The following NELL1 variants were observed in gnomAD, a reference collection of about 807,000 sequenced individuals.
NELL1 encodes the protein neural EGFL like 1, also known as protein kinase C-binding protein NELL1.
A neutral mutation model predicts 107.4 loss-of-function variants in NELL1; 76 were observed. That is an observed-to-expected ratio of 0.71 (90% CI 0.59 to 0.86). The LOEUF (loss-of-function observed/expected upper bound fraction) is 0.86. NELL1 is among the 40% of genes least tolerant of loss of function. NELL1 has a pLI of 0.00. For synonymous variants in NELL1, 353 were observed against 341.2 expected, an observed-to-expected ratio of 1.03 and a Z score of -0.38; for missense variants, 1,024 against 1,005.5, an observed-to-expected ratio of 1.02 and a Z score of -0.25.
At chr11:21,016,729 C>T (rs990910498) in intron 12 of NELL1, among the ~76,000 whole-genome samples, 1 of 152,120 alleles carries the variant, frequency 6.6e-6, no homozygotes. Context: ...ATCATTTCCA[C>T]CTTCAGGCCA....
At chr11:21,180,879 A>G (rs1376506298) in intron 13 of NELL1, among the ~76,000 whole-genome samples, 1 of 151,746 alleles carries the variant, frequency 6.6e-6, no homozygotes, top group Admixed American at 6.6e-5. Context: ...TCAAAAAAAA[A>G]AATGTTCTCT....
In NELL1 at chr11:21,521,146, G is replaced by C. The variant is rs542257079; in HGVS notation, c.1646-13228G>C. On this transcript the variant is annotated intron_variant, in intron 15 of 19. Coordinates refer to ENST00000357134, the MANE Select transcript of NELL1 (RefSeq NM_006157.5). ...ATGTAAGTATTACAGCTACACATTT[G>C]TTTCTAGGCACTGCTTTAACTGGTT... Among the ~76,000 whole-genome samples the C allele has an allele frequency of 2.6e-5, 4 of 152,280 alleles. No homozygotes were observed. In the East Asian group the frequency reaches 5.8e-4, roughly 22 times the overall value.
In NELL1 at chr11:21,570,907, T is replaced by C. The variant is rs140411375; in HGVS notation, c.2124T>C (p.Asn708=). 30 of 1,611,646 alleles carry C rather than the reference T, an allele frequency of 1.9e-5. No homozygotes were observed. In the African/African-American group the frequency reaches 3.3e-4, roughly 18 times the overall value. ...ACAAGCTGTATCGAAGTGGAGACAA[T>C]TGGACCCATAGCTGTCAGCAGTGTC... ...NGHKLYRSGD[N]WTHSCQQCRC... Residue 708 remains asparagine (N), a synonymous_variant, in exon 18 of 20, where the codon AAT becomes AAC. Transcript: ENST00000357134.
chr11:21,203,006 T>C (rs1022794388), intron 13 of NELL1, among the ~76,000 whole-genome samples: 1 of 152,118 alleles, frequency 6.6e-6, no homozygotes, highest in Non-Finnish European at 1.5e-5. Context: ...CGACTTCCGT[T>C]CTTTTGCATT....
chr11:21,245,300 C>A (rs570020642), intron 14 of NELL1, among the ~76,000 whole-genome samples: 1 of 152,222 alleles, frequency 6.6e-6, no homozygotes, highest in South Asian at 2.1e-4. Context: ...CAAAGCTGGG[C>A]TCTAGCTCTT....
chr11:20,725,411 C>T (rs1855487141), intron 2 of NELL1, among the ~76,000 whole-genome samples: 1 of 152,162 alleles, frequency 6.6e-6, no homozygotes, highest in Admixed American at 6.5e-5. Flanking sequence ...GGCATGTGAG[C>T]AACAGGAGTA....
chr11:21,139,419 C>T (rs182399337), intron 13 of NELL1, among the ~76,000 whole-genome samples: 74 of 152,294 alleles, frequency 4.9e-4, no homozygotes, highest in African/African-American at 1.8e-3. Context: ...TTCAGTGGAG[C>T]TTCCCTGGCC....
intron 13 of NELL1, among the ~76,000 whole-genome samples, chr11:21,166,348 T>TA (rs1321665810): frequency 6.6e-6 from 1 of 151,780 alleles, no homozygotes; most frequent in East Asian, 1.9e-4. Context: ...GTGACTACAG[T>TA]AAAAAATAAT....
intron 2 of NELL1, among the ~76,000 whole-genome samples, chr11:20,711,396 G>A (rs1317066030): frequency 6.6e-6 from 1 of 152,102 alleles, no homozygotes; most frequent in South Asian, 2.1e-4. Flanking sequence ...GTTTTGAGAT[G>A]TGAGGTACTG....
chr11:20,774,258 C>A (rs1220800667), intron 2 of NELL1, among the ~76,000 whole-genome samples: 1 of 134,940 alleles, frequency 7.4e-6, no homozygotes, highest in Non-Finnish European at 1.6e-5. Flanking sequence ...CCTCTCCCAT[C>A]TTCTCTTCTC....
intron 15 of NELL1, among the ~76,000 whole-genome samples, chr11:21,430,847 GT>G (rs1852947816): frequency 6.6e-6 from 1 of 152,110 alleles, no homozygotes; most frequent in Non-Finnish European, 1.5e-5. Context: ...CTGTCACTAT[GT>G]TTTTATGACC....
At chr11:20,901,638 AAGACATTTTCTG>A (rs1302177590) in intron 5 of NELL1, among the ~76,000 whole-genome samples, 1 of 151,816 alleles carries the variant, frequency 6.6e-6, no homozygotes, top group East Asian at 1.9e-4. Flanking sequence ...AAGAATAACT[AAGACATTTTCTG>A]AGGGAGAAAA....
intron 12 of NELL1, among the ~76,000 whole-genome samples, chr11:21,029,437 A>G (rs953126346): frequency 6.6e-6 from 1 of 151,952 alleles, no homozygotes; most frequent in Non-Finnish European, 1.5e-5. Context: ...TCCAACTCAT[A>G]ATTTCTTCCT....
intron 15 of NELL1, among the ~76,000 whole-genome samples, chr11:21,460,502 C>T (rs1442561951): frequency 6.6e-6 from 1 of 152,116 alleles, no homozygotes; most frequent in Non-Finnish European, 1.5e-5. Flanking sequence ...GAATCGTTGG[C>T]TTGAGGTAGC....
At chr11:21,030,421 T>A (rs1218877826) in intron 12 of NELL1, among the ~76,000 whole-genome samples, 1 of 152,186 alleles carries the variant, frequency 6.6e-6, no homozygotes, top group East Asian at 1.9e-4. Flanking sequence ...GCCTTTTTGA[T>A]ATTCAGCTAA....
intron 12 of NELL1, among the ~76,000 whole-genome samples, chr11:21,072,811 A>G (rs1251023751): frequency 6.6e-6 from 1 of 152,214 alleles, no homozygotes; most frequent in African/African-American, 2.4e-5. Flanking sequence ...TTGTCTTAGA[A>G]GCAAAACATT....
chr11:20,715,254 C>T (rs7111828), intron 2 of NELL1, among the ~76,000 whole-genome samples: 18,979 of 150,208 alleles, frequency 0.13, 1,255 homozygotes, highest in Non-Finnish European at 0.14. Flanking sequence ...TTATATATTG[C>T]GCTTAATTCC....
intron 14 of NELL1, among the ~76,000 whole-genome samples, chr11:21,333,763 G>C (rs1198471003): frequency 6.6e-6 from 1 of 152,032 alleles, no homozygotes; most frequent in Non-Finnish European, 1.5e-5. Flanking sequence ...TGTCCAGTAA[G>C]TGACTGCTGT....
intron 14 of NELL1, among the ~76,000 whole-genome samples, chr11:21,293,561 C>A (rs972453713): frequency 6.6e-6 from 1 of 152,128 alleles, no homozygotes; most frequent in Non-Finnish European, 1.5e-5. Flanking sequence ...TACCATTTGA[C>A]CCAGCAATGC....
Sources: gnomAD v4.1 joint callset for allele counts (sites outside exome capture counted in the v4.1 genomes callset) on GRCh38, gnomAD v4.1.1 for gene constraint, MANE v1.5 for transcripts, NCBI Gene and HGNC (gene_info 2026-07-23, HGNC 2026-07-21) for gene names.